The following PTPRD variants were observed in gnomAD, a reference collection of about 807,000 sequenced individuals.
PTPRD encodes the protein protein tyrosine phosphatase receptor type D.
A neutral mutation model predicts 214.5 loss-of-function variants in PTPRD; 34 were observed. The ratio of observed to expected loss-of-function variants is 0.16; its 90% confidence interval spans 0.12 to 0.21. PTPRD has a LOEUF of 0.21. Ranked by LOEUF, PTPRD falls within the 10% of genes least tolerant of loss-of-function variation. The pLI is 1.00. For synonymous variants in PTPRD, 1,128 were observed against 845.7 expected (o/e 1.33, Z -5.79); for missense variants, 2,545 against 2,398.7 (o/e 1.06, Z -1.27).
At chr9:8,510,712 G>A (rs573936310) in intron 21 of PTPRD, among the ~76,000 whole-genome samples, 14 of 152,006 alleles carry the variant, frequency 9.2e-5, no homozygotes, top group South Asian at 2.1e-4. Flanking sequence ...ACACTTCCTC[G>A]GGAACTGAGG....
chr9:10,398,103 T>A (rs1351212486), intron 2 of PTPRD, among the ~76,000 whole-genome samples: 4 of 151,360 alleles, frequency 2.6e-5, no homozygotes. Context: ...CAGAACCAGG[T>A]GCAGTGGGCT....
chr9:9,171,251 G>A (rs986795259), intron 10 of PTPRD, among the ~76,000 whole-genome samples: 2 of 151,946 alleles, frequency 1.3e-5, no homozygotes, highest in African/African-American at 2.4e-5. Context: ...ATAACTCTGA[G>A]TTTCTTTGTT....
At chr9:8,990,296 A>T (rs2099361295) in intron 11 of PTPRD, among the ~76,000 whole-genome samples, 1 of 152,206 alleles carries the variant, frequency 6.6e-6, no homozygotes, top group Non-Finnish European at 1.5e-5. Context: ...ATGATTCTGC[A>T]TCAGTTACGT....
intron 9 of PTPRD, among the ~76,000 whole-genome samples, chr9:9,204,934 C>T (rs183463072): frequency 1.3e-5 from 2 of 152,166 alleles, no homozygotes; most frequent in East Asian, 1.9e-4. Flanking sequence ...AGTTAGGATA[C>T]ACTTCCTCAA....
intron 4 of PTPRD, among the ~76,000 whole-genome samples, chr9:9,974,916 T>C (rs2154054688): frequency 6.6e-6 from 1 of 152,302 alleles, no homozygotes; most frequent in South Asian, 2.1e-4. Context: ...ATAAGCCTTA[T>C]TTCTGAGATA....
At chr9:10,142,380 C>A (rs2098991924) in intron 3 of PTPRD, among the ~76,000 whole-genome samples, 2 of 151,452 alleles carry the variant, frequency 1.3e-5, no homozygotes, top group East Asian at 2.0e-4. Flanking sequence ...ACTCATCTGA[C>A]AAAGGGCTAA....
At chr9:9,186,140 A>C (rs1287968813) in intron 9 of PTPRD, among the ~76,000 whole-genome samples, 1 of 152,136 alleles carries the variant, frequency 6.6e-6, no homozygotes, top group Non-Finnish European at 1.5e-5. Flanking sequence ...AATTCTCATG[A>C]ACAGAAGAAA....
At chr9:10,299,959 C>T (rs898743579) in intron 3 of PTPRD, among the ~76,000 whole-genome samples, 1 of 152,134 alleles carries the variant, frequency 6.6e-6, no homozygotes, top group Admixed American at 6.6e-5. Flanking sequence ...ATCTGACTCA[C>T]TATGTATTCA....
chr9:10,207,938 C>G (rs988730228), intron 3 of PTPRD, among the ~76,000 whole-genome samples: 1 of 152,182 alleles, frequency 6.6e-6, no homozygotes, highest in Non-Finnish European at 1.5e-5. Context: ...AGCAGTGCAT[C>G]AATTCCCACA....
At chr9:9,140,827 C>T (rs1185605671) in intron 10 of PTPRD, among the ~76,000 whole-genome samples, 1 of 152,166 alleles carries the variant, frequency 6.6e-6, no homozygotes, top group Non-Finnish European at 1.5e-5. Context: ...ATCTGCCCGC[C>T]TCAGCCTCCC....
At chr9:8,693,872 C>T (rs1189612009) in intron 12 of PTPRD, among the ~76,000 whole-genome samples, 1 of 152,124 alleles carries the variant, frequency 6.6e-6, no homozygotes, top group Admixed American at 6.5e-5. Context: ...TGTAGGGTGA[C>T]TTTTTTCTCT....
chr9:9,471,998 A>T (rs1179789858), intron 8 of PTPRD, among the ~76,000 whole-genome samples: 2 of 152,150 alleles, frequency 1.3e-5, no homozygotes, highest in Admixed American at 6.6e-5. Context: ...TCCATTTATA[A>T]AATATAGACC....
At chr9:10,365,544 A>G (rs563821412) in intron 2 of PTPRD, among the ~76,000 whole-genome samples, 1 of 152,292 alleles carries the variant, frequency 6.6e-6, no homozygotes, top group African/African-American at 2.4e-5. Context: ...CTCAAGTAGA[A>G]TGTACTTTAT....
chr9:9,334,118 C>T (rs2043470126), intron 9 of PTPRD, among the ~76,000 whole-genome samples: 1 of 151,862 alleles, frequency 6.6e-6, no homozygotes, highest in Non-Finnish European at 1.5e-5. Flanking sequence ...TAAGTTTTAT[C>T]AGAAATAAAA....
At chr9:9,825,426 G>T (rs1410962280) in intron 5 of PTPRD, among the ~76,000 whole-genome samples, 1 of 150,634 alleles carries the variant, frequency 6.6e-6, no homozygotes, top group African/African-American at 2.4e-5. Flanking sequence ...GAAAGAAAAA[G>T]GGAGAAAGGA....
At chr9:9,736,608 TTTC>T (rs2098299969) in intron 6 of PTPRD, among the ~76,000 whole-genome samples, 1 of 152,038 alleles carries the variant, frequency 6.6e-6, no homozygotes, top group African/African-American at 2.4e-5. Context: ...CCAGAAAATA[TTTC>T]TTTTCTGCTT....
chr9:10,377,397 C>T (rs1442430360), intron 2 of PTPRD, among the ~76,000 whole-genome samples: 1 of 151,834 alleles, frequency 6.6e-6, no homozygotes, highest in Non-Finnish European at 1.5e-5. Context: ...CCCATTAACT[C>T]GTCATTTATA....
chr9:10,561,139 G>T (rs2063861122), intron 2 of PTPRD, among the ~76,000 whole-genome samples: 1 of 152,234 alleles, frequency 6.6e-6, no homozygotes, highest in African/African-American at 2.4e-5. Flanking sequence ...ATGGTGTCTA[G>T]ATTTTGGTTT....
chr9:9,531,885 T>C (rs1413531143), intron 8 of PTPRD, among the ~76,000 whole-genome samples: 1 of 152,052 alleles, frequency 6.6e-6, no homozygotes, highest in Non-Finnish European at 1.5e-5. Context: ...TTACAGAAGA[T>C]TGTAAGTATA....
Sources: allele counts gnomAD v4.1 joint callset (sites outside exome capture counted in the v4.1 genomes callset), GRCh38; gene constraint gnomAD v4.1.1; transcripts MANE v1.5; gene names NCBI Gene and HGNC (gene_info 2026-07-23, HGNC 2026-07-21).